NRP1: variants seen among roughly 807,000 people sequenced by gnomAD.
The protein encoded by NRP1 is neuropilin 1.
In NRP1, 35 loss-of-function variants were observed where a neutral mutation model predicts 106.7. The ratio of observed to expected loss-of-function variants is 0.33; its 90% CI spans 0.25 to 0.43. The LOEUF (loss-of-function observed/expected upper bound fraction) is 0.43, where lower values mean the gene tolerates loss of function less well. Among genes scored for constraint, NRP1 ranks in the 20% least tolerant of loss-of-function variants. The pLI is 1.00. For synonymous variants in NRP1, 437 were observed against 417.9 expected (o/e 1.05, Z -0.56); for missense variants, 1,024 against 1,170.4 (o/e 0.87, Z 1.83).
rs75636330 is a variant in NRP1, at chr10:33,263,538, C to A, written c.658+108G>T. On this transcript the variant is annotated intron_variant, in intron 4 of 16. Transcript: ENST00000374867. ...AGAGTTTTGCTTTGTTTTCCAGTGT[C>A]CTTTTGAGGTTTTTTTTAATGATTC... The A allele has an allele frequency of 1.8e-4, 137 of 743,806 alleles. No individual in the cohort carries two copies. In the African/African-American group the frequency reaches 2.2e-3, roughly 12 times the overall value. 46.1% of individuals were successfully genotyped at this position (743,806 alleles called of 1,614,324 possible).
intron 2 of NRP1, among the ~76,000 whole-genome samples, chr10:33,326,198 A>G (rs1014992328): frequency 6.6e-6 from 1 of 152,210 alleles, no homozygotes; most frequent in Non-Finnish European, 1.5e-5. Flanking sequence ...ATAAATTCTA[A>G]CTACCATATC....
chr10:33,251,128 C>T (rs1020262698), intron 6 of NRP1, among the ~76,000 whole-genome samples: 8 of 152,126 alleles, frequency 5.3e-5, no homozygotes, highest in African/African-American at 1.4e-4. Context: ...CGGTTTTCCC[C>T]GTGCTCTTCT....
chr10:33,226,586 G>A (rs182978924), intron 6 of NRP1, among the ~76,000 whole-genome samples: 2 of 152,340 alleles, frequency 1.3e-5, no homozygotes, highest in Admixed American at 1.3e-4. Context: ...GGCTATGATA[G>A]GACAGTGTGA....
chr10:33,219,202 T>C (rs562858610), intron 8 of NRP1, among the ~76,000 whole-genome samples: 102 of 152,298 alleles, frequency 6.7e-4, no homozygotes, highest in Non-Finnish European at 1.0e-3. Flanking sequence ...CCAGGGGTGT[T>C]CCAAATTTCC....
intron 7 of NRP1, among the ~76,000 whole-genome samples, chr10:33,223,966 G>C (rs918416674): frequency 3.3e-5 from 5 of 152,092 alleles, no homozygotes; most frequent in Non-Finnish European, 7.4e-5. Context: ...TGAAAATCAT[G>C]TTTTATACAC....
At chr10:33,200,865 G>A (rs956675875) in intron 11 of NRP1, among the ~76,000 whole-genome samples, 1 of 152,204 alleles carries the variant, frequency 6.6e-6, no homozygotes, top group Non-Finnish European at 1.5e-5. Flanking sequence ...CTGCCTTCTT[G>A]CAATAATGAA....
intron 2 of NRP1, among the ~76,000 whole-genome samples, chr10:33,314,072 CT>C: frequency 6.7e-6 from 1 of 148,870 alleles, no homozygotes; most frequent in Non-Finnish European, 1.5e-5. Flanking sequence ...CCCTCCCTCC[CT>C]CCCTCCCTCC....
At chr10:33,217,644 TAATG>T (rs1838883182) in intron 8 of NRP1, among the ~76,000 whole-genome samples, 1 of 152,160 alleles carries the variant, frequency 6.6e-6, no homozygotes, top group African/African-American at 2.4e-5. Flanking sequence ...TTCAGAGAAA[TAATG>T]AATAATTTTT....
At chr10:33,309,979 G>A (rs1309958779) in intron 2 of NRP1, among the ~76,000 whole-genome samples, 2 of 146,350 alleles carry the variant, frequency 1.4e-5, no homozygotes, top group East Asian at 2.0e-4. Context: ...ACGGAGTCTC[G>A]CTCTGTCGCC....
intron 6 of NRP1, among the ~76,000 whole-genome samples, chr10:33,252,573 C>T (rs1283365671): frequency 6.6e-6 from 1 of 152,102 alleles, no homozygotes; most frequent in Non-Finnish European, 1.5e-5. Flanking sequence ...CTATCGCACG[C>T]CCTGTGAGGG....
intron 6 of NRP1, among the ~76,000 whole-genome samples, chr10:33,227,427 G>C (rs17504012): frequency 0.16 from 23,126 of 142,456 alleles, 1,861 homozygotes; most frequent in Middle Eastern, 0.31. Context: ...ACTTGGGATG[G>C]AGTAAAGAGG....
At chr10:33,321,872 G>A (rs1847535961) in intron 2 of NRP1, among the ~76,000 whole-genome samples, 2 of 152,204 alleles carry the variant, frequency 1.3e-5, no homozygotes, top group East Asian at 1.9e-4. Context: ...TATCATAGAA[G>A]CAGCAGGCCA....
chr10:33,267,426 G>A (rs1440036660), intron 3 of NRP1, among the ~76,000 whole-genome samples: 1 of 152,142 alleles, frequency 6.6e-6, no homozygotes, highest in East Asian at 1.9e-4. Flanking sequence ...GGAGTAACTT[G>A]TATAGCTATA....
chr10:33,279,365 A>T (rs762983533), intron 2 of NRP1, among the ~76,000 whole-genome samples: 24 of 152,208 alleles, frequency 1.6e-4, no homozygotes, highest in Non-Finnish European at 3.1e-4. Context: ...CCACTGGCAG[A>T]GTTCAGGTTC....
At chr10:33,185,569 T>C in intron 15 of NRP1, 59 bp downstream of exon 15, 3 of 1,281,016 alleles carry the variant, frequency 2.3e-6, no homozygotes, top group Non-Finnish European at 3.4e-6. Flanking sequence ...ACCATCATAT[T>C]GGCAAGAGTC....
chr10:33,186,563 A>G, intron 13 of NRP1, 75 bp from the exon 14 acceptor site: 1 of 1,510,624 alleles, frequency 6.6e-7, no homozygotes. Context: ...TTCAAGTCTC[A>G]CTAATCAAAA....
Position 33,221,801 on chromosome 10 carries a change from T to C in NRP1, c.1200A>G (p.Ile400Met). ...VVVAVFPKPL[I>M]TRFVRIKPAT... The stretch of plus-strand genomic sequence containing the variant: ...CAGGCTTGATTCGGACAAATCGAGT[T>C]ATCAGTGGTTTGGGGAATACTGCAA... The change falls in exon 8 of 17, where the codon ATA becomes ATG. Residue 400 changes from isoleucine to methionine, a missense_variant. Coordinates refer to ENST00000374867, the MANE Select transcript of NRP1 (RefSeq NM_003873.7). 1 of 1,614,124 alleles carries C rather than the reference T, an allele frequency of 6.2e-7. No individual in the cohort carries two copies. The highest frequency in any genetic ancestry group is 8.5e-7 in the Non-Finnish European group (1 of 1,179,984).
chr10:33,226,981 C>T (rs1588775706), intron 6 of NRP1, among the ~76,000 whole-genome samples: 1 of 152,148 alleles, frequency 6.6e-6, no homozygotes, highest in Non-Finnish European at 1.5e-5. Context: ...TTCTGTGTCA[C>T]AAGCCACTGC....
chr10:33,316,736 A>G (rs533418435), intron 2 of NRP1, among the ~76,000 whole-genome samples: 1 of 152,334 alleles, frequency 6.6e-6, no homozygotes, highest in South Asian at 2.1e-4. Context: ...GGAGTTGCCA[A>G]TTATGTATAA....
Sources: allele counts gnomAD v4.1 joint callset (sites outside exome capture counted in the v4.1 genomes callset), GRCh38; gene constraint gnomAD v4.1.1; transcripts MANE v1.5; gene names NCBI Gene and HGNC (gene_info 2026-07-23, HGNC 2026-07-21).